Variants in SEC31A observed in about 807,000 individuals in gnomAD.
The protein encoded by SEC31A is SEC31 homolog A, COPII component.
Under a neutral mutation model 151.0 loss-of-function variants are expected in SEC31A, and 70 were observed. That is an observed-to-expected ratio of 0.46 (90% confidence interval 0.38 to 0.57). The LOEUF is 0.57. Among genes scored for constraint, SEC31A ranks in the 20% least tolerant of loss-of-function variants. The pLI, the probability that SEC31A is intolerant of heterozygous loss-of-function variation, is 0.00. For missense variants in SEC31A, 1,330 were observed against 1,471.2 expected (o/e 0.90, Z 1.57); for synonymous variants, 475 against 505.9 (o/e 0.94, Z 0.82).
Position 82,874,727 on chromosome 4 carries a change from C to T in SEC31A, c.523G>A (p.Ala175Thr), listed in dbSNP as rs762132076. 2 of 1,610,478 alleles carry T rather than the reference C, an allele frequency of 1.2e-6. No homozygotes were observed. Among genetic ancestry groups the T allele is most frequent in the African/African-American group, 1.3e-5 (1 of 74,766 alleles). ...ATATGCTGAACTTGTCTGTTCCATG[C>T]AATGCAGCTGATATCTTCTGGCGGC... ...TQPPEDISCI[A>T]WNRQVQHILA... Residue 175 changes from alanine (A) to threonine (T), a missense_variant, in exon 6 of 27, where the codon GCA becomes ACA. Physicochemically the swap from Ala to Thr is moderately conservative, Grantham distance 58 (BLOSUM62 0). Coordinates refer to ENST00000395310, the MANE Select transcript of SEC31A (RefSeq NM_001077207.4).
In SEC31A at chr4:82,853,691, T is replaced by C. The variant is rs1337175287; in HGVS notation, c.2033A>G (p.Asn678Ser). 1.9e-6 allele frequency: 3 copies of C among 1,600,622 alleles called. No homozygotes were observed. Among genetic ancestry groups the C allele is most frequent in the African/African-American group, 2.7e-5 (2 of 74,018 alleles). Residue 678 changes from asparagine to serine, a missense_variant, in exon 18 of 27, where the codon AAT becomes AGT. Physicochemically the swap from Asn to Ser is conservative, Grantham distance 46. Transcript: ENST00000395310. ...LCDLLGTRLE[N>S]EGDSLLQTQA... The stretch of plus-strand genomic sequence containing the variant: ...AGTCTGCAGGAGGCTATCTCCTTCA[T>C]TTTCAAGCCTGGTTCCCAAAAGATC...
chr4:82,833,263 G>A (rs539498267), intron 22 of SEC31A, among the ~76,000 whole-genome samples: 2 of 152,264 alleles, frequency 1.3e-5, no homozygotes, highest in African/African-American at 4.8e-5. Context: ...CAGGGACATG[G>A]ATGAAGCTGG....
Position 82,819,039 on chromosome 4 carries a change from A to C in SEC31A, c.*35T>G. The C allele has an allele frequency of 6.5e-7, 1 of 1,546,302 alleles. No individual in the cohort carries two copies. The highest frequency in any genetic ancestry group is 1.4e-5 in the African/African-American group (1 of 72,170). On this transcript the variant is annotated 3_prime_UTR_variant, in exon 27 of 27. Coordinates refer to ENST00000395310, the MANE Select transcript of SEC31A (RefSeq NM_001077207.4). ...TTTTTTTTAACATGTTTCTTTGGAA[A>C]AATGGCAATATTGAGTGGAAGAGAA... is the stretch of plus-strand genomic sequence containing the variant.
chr4:82,900,275 T>C (rs968800269), intron 1 of SEC31A: 1 of 155,218 alleles, frequency 6.4e-6, no homozygotes, highest in African/African-American at 2.4e-5. Context: ...ATCATATATT[T>C]TTGGCCCGAC....
At chr4:82,831,983 C>A (rs1726063454) in intron 22 of SEC31A, among the ~76,000 whole-genome samples, 1 of 152,136 alleles carries the variant, frequency 6.6e-6, no homozygotes, top group Non-Finnish European at 1.5e-5. Flanking sequence ...GCCTTACTGC[C>A]CAAAGTAATT....
chr4:82,820,572 C>A (rs1407148518), intron 26 of SEC31A, among the ~76,000 whole-genome samples: 1 of 152,168 alleles, frequency 6.6e-6, no homozygotes, highest in Non-Finnish European at 1.5e-5. Flanking sequence ...ATAGTTACAG[C>A]ACATTACCCT....
chr4:82,891,011 G>C (rs1419263162), intron 1 of SEC31A, 77 bp downstream of exon 1: 37 of 1,523,772 alleles, frequency 2.4e-5, no homozygotes, highest in Non-Finnish European at 3.3e-5. Flanking sequence ...CCCAGGCTGC[G>C]GTCCCAGTTT....
chr4:82,892,746 G>T (rs144388460), upstream of SEC31A, among the ~76,000 whole-genome samples: 1 of 151,968 alleles, frequency 6.6e-6, no homozygotes, highest in African/African-American at 2.4e-5. Context: ...TGGGGGGGGG[G>T]GCACAATGAT....
intron 6 of SEC31A, 39 bp downstream of exon 6, chr4:82,874,572 A>G: frequency 1.3e-6 from 2 of 1,553,068 alleles, no homozygotes; most frequent in Non-Finnish European, 1.7e-6. Flanking sequence ...CCTACAGCAG[A>G]AATACAACAT....
Position 82,854,982 on chromosome 4 carries a change from A to G in SEC31A, c.1929T>C (p.Ser643=), listed in dbSNP as rs767390976. Residue 643 remains serine, a synonymous_variant, in exon 17 of 27, where the codon TCT becomes TCC. Coordinates refer to ENST00000395310, the MANE Select transcript of SEC31A (RefSeq NM_001077207.4). ...VMKNWKEIVE[S]CDLKNWREAL... is the part of the protein sequence containing the mutation. ...CCTCTCTCCAATTTTTAAGATCACA[A>G]GACTCAACAATCTCTTTCCAGTTCT... The G allele has an allele frequency of 4.3e-6, 7 of 1,613,938 alleles. No homozygotes were observed. Among genetic ancestry groups the G allele is most frequent in the Non-Finnish European group, 5.9e-6 (7 of 1,179,874 alleles).
At chr4:82,837,193 ATATATAATT>A (rs1165017003) in intron 22 of SEC31A, among the ~76,000 whole-genome samples, 5 of 57,374 alleles carry the variant, frequency 8.7e-5, no homozygotes, top group Admixed American at 2.7e-4. Flanking sequence ...ATATATATAT[ATATATAATT>A]TCACCACAAT....
At chr4:82,833,043 T>A (rs1391473580) in intron 22 of SEC31A, among the ~76,000 whole-genome samples, 12 of 152,154 alleles carry the variant, frequency 7.9e-5, no homozygotes, top group Admixed American at 7.9e-4. Context: ...GACCCAGCCA[T>A]CCCATTACTG....
At chr4:82,831,013 C>T in intron 22 of SEC31A, 2 of 934,066 alleles carry the variant, frequency 2.1e-6, no homozygotes, top group Non-Finnish European at 2.8e-6. Context: ...ACAGTGTTTA[C>T]TGAAGACATT....
chr4:82,843,557 A>C (rs1729385032), intron 21 of SEC31A: 1 of 152,232 alleles, frequency 6.6e-6, no homozygotes, highest in South Asian at 2.1e-4. Context: ...CTCTGAAGAC[A>C]GCTTTCACAT....
chr4:82,860,560 C>G lies in SEC31A; in HGVS notation c.1626+1071G>C, dbSNP rs1016801747. On this transcript the variant is annotated intron_variant, in intron 14 of 26. Transcript: ENST00000395310. ...GTGTGATCATAGCTCACTCCAACCA[C>G]GAACTCTTGGGCTTAAGTGATCCTA... Among the ~76,000 whole-genome samples the G allele has an allele frequency of 2.0e-5, 3 of 152,148 alleles. No homozygotes were observed. In the East Asian group the frequency reaches 5.8e-4, roughly 29 times the overall value.
intron 25 of SEC31A, chr4:82,821,548 CAAAAAAAAA>C (rs10689758): frequency 1.1e-4 from 7 of 66,286 alleles, no homozygotes; most frequent in Admixed American, 2.6e-4. Context: ...GACTCCGTCT[CAAAAAAAAA>C]AAAAAAAAAA....
intron 6 of SEC31A, among the ~76,000 whole-genome samples, chr4:82,873,226 C>T (rs1180771890): frequency 2.0e-5 from 3 of 151,738 alleles, no homozygotes; most frequent in South Asian, 2.1e-4. Flanking sequence ...GGTATGGTGG[C>T]GGACGCCTGT....
At position 82,857,205 on chromosome 4, in the gene SEC31A, A is replaced by G. The variant is rs1022512296; in HGVS notation, c.1703-75T>C. 2.4e-5 allele frequency: 29 copies of G among 1,219,010 alleles called. No individual in the cohort carries two copies. The Admixed American group carries it at 3.0e-4, about 13-fold the overall frequency. The allele number at this position is 1,219,010 out of a possible 1,614,324, so 75.5% of individuals were successfully genotyped here. ...AAACCAACAACAAAGTACTACATCT[A>G]TCAATTTTTATATATATACATGAAT... On this transcript the variant is annotated intron_variant, in intron 15 of 26. Transcript: ENST00000395310.
Position 82,842,456 on chromosome 4 carries a change from G to C in SEC31A, c.2652C>G (p.Pro884=), listed in dbSNP as rs1397679112. 14 of 1,613,074 alleles carry C rather than the reference G, an allele frequency of 8.7e-6. No individual in the cohort carries two copies. Among genetic ancestry groups the C allele is most frequent in the Non-Finnish European group, 1.1e-5 (13 of 1,179,604 alleles). ...ACATTGCTGACCCCCCTGTTCCGAA[G>C]GGATACGGCTGGGCTGGTTGATAAG... ...PQPYQPAQPY[P]FGTGGSAMYR... is the part of the protein sequence containing the mutation. Residue 884 remains proline, a synonymous_variant, in exon 22 of 27, where the codon CCC becomes CCG. Transcript: ENST00000395310.
Sources: gnomAD v4.1 joint callset for allele counts (sites outside exome capture counted in the v4.1 genomes callset) on GRCh38, gnomAD v4.1.1 for gene constraint, MANE v1.5 for transcripts, NCBI Gene and HGNC (gene_info 2026-07-23, HGNC 2026-07-21) for gene names.